SIN3A: variants seen among roughly 807,000 people sequenced by gnomAD.
SIN3A encodes the protein paired amphipathic helix protein Sin3a.
A neutral mutation model predicts 146.1 loss-of-function variants in SIN3A; 14 were observed. The ratio of observed to expected loss-of-function variants is 0.10; its 90% confidence interval spans 0.06 to 0.15. The LOEUF is 0.15. SIN3A is among the 10% of genes least tolerant of loss of function. SIN3A has a pLI of 1.00. For synonymous variants in SIN3A, 572 were observed against 572.0 expected (o/e 1.00, Z 0.00); for missense variants, 1,028 against 1,576.0 (o/e 0.65, Z 5.89).
In SIN3A at chr15:75,375,682, G is replaced by C; in HGVS notation, c.3574C>G (p.Leu1192Val). The stretch of plus-strand genomic sequence containing the variant: ...GTTCTCACCTGATGAGCCCGGAGCA[G>C]GGCGGTCCTCCGATACATATAGTCC... ...SEDYMYRRTA[L>V]LRAHQSHERV... Residue 1192 changes from leucine to valine, a missense_variant, in exon 20 of 21, where the codon CTG (leucine) becomes GTG (valine). By Grantham distance (32) the Leu-to-Val change is conservative. Coordinates refer to ENST00000394947, the MANE Select transcript of SIN3A (RefSeq NM_001145358.2). 1.2e-6 allele frequency: 2 copies of C among 1,613,998 alleles called. No homozygotes were observed. The highest frequency in any genetic ancestry group is 1.7e-6 in the Non-Finnish European group (2 of 1,179,858).
chr15:75,382,017 T>C (rs1319750348), intron 17 of SIN3A, among the ~76,000 whole-genome samples: 1 of 152,226 alleles, frequency 6.6e-6, no homozygotes, highest in African/African-American at 2.4e-5. Context: ...ATATGGCACA[T>C]GTAGCCAGAA....
chr15:75,444,756 G>A (rs2074275607), intron 1 of SIN3A, among the ~76,000 whole-genome samples: 1 of 152,138 alleles, frequency 6.6e-6, no homozygotes, highest in African/African-American at 2.4e-5. Context: ...CAGAAATTTA[G>A]TTAAATTCAA....
intron 1 of SIN3A, among the ~76,000 whole-genome samples, chr15:75,435,852 C>T (rs1034885606): frequency 1.3e-5 from 2 of 151,966 alleles, no homozygotes; most frequent in Non-Finnish European, 2.9e-5. Flanking sequence ...TGCCTGGGCA[C>T]AGTGATTCAT....
At chr15:75,394,506 G>C (rs1215946484) in intron 14 of SIN3A, among the ~76,000 whole-genome samples, 174 bp downstream of exon 14, 3 of 152,202 alleles carry the variant, frequency 2.0e-5, no homozygotes, top group Non-Finnish European at 4.4e-5. Flanking sequence ...TAAAGGTATA[G>C]TTTAGATTTA....
intron 9 of SIN3A, among the ~76,000 whole-genome samples, chr15:75,403,189 G>A (rs1198352874): frequency 2.0e-5 from 3 of 151,776 alleles, no homozygotes; most frequent in South Asian, 2.1e-4. Context: ...TTGGGAGGCC[G>A]AGGTGGGTGG....
At chr15:75,420,477 T>C (rs2073823298) in intron 3 of SIN3A, 1 of 152,176 alleles carries the variant, frequency 6.6e-6, no homozygotes, top group African/African-American at 2.4e-5. Context: ...CTCTGCCTCC[T>C]GGGTTCCAAC....
At chr15:75,455,180 G>C (rs1436856853), upstream of SIN3A, among the ~76,000 whole-genome samples, 1 of 151,836 alleles carries the variant, frequency 6.6e-6, no homozygotes, top group Non-Finnish European at 1.5e-5. Flanking sequence ...CAAAACCCTC[G>C]GGGCGGCTGC....
At chr15:75,450,400 G>T (rs1027059896) in intron 1 of SIN3A, among the ~76,000 whole-genome samples, 3 of 152,044 alleles carry the variant, frequency 2.0e-5, no homozygotes, top group Non-Finnish European at 2.9e-5. Flanking sequence ...TACAGCCACG[G>T]TAACTGAACA....
At chr15:75,414,438 T>C (rs1281403854) in intron 3 of SIN3A, 127 bp from the exon 4 acceptor site, 3 of 410,312 alleles carry the variant, frequency 7.3e-6, no homozygotes, top group African/African-American at 6.1e-5. Context: ...ATATATTAAA[T>C]ATATACTTAA....
At chr15:75,380,450 T>C (rs1395605658) in intron 19 of SIN3A, among the ~76,000 whole-genome samples, 179 bp downstream of exon 19, 3 of 152,222 alleles carry the variant, frequency 2.0e-5, no homozygotes, top group African/African-American at 2.4e-5. Flanking sequence ...CCAGATGCTT[T>C]GACACATGCT....
At chr15:75,440,758 G>A (rs969349269) in intron 1 of SIN3A, among the ~76,000 whole-genome samples, 2 of 151,902 alleles carry the variant, frequency 1.3e-5, no homozygotes, top group African/African-American at 2.4e-5. Flanking sequence ...CAAGGCAGGC[G>A]GATTACGAGG....
intron 20 of SIN3A, 72 bp downstream of exon 20, chr15:75,375,592 GA>G: frequency 1.7e-6 from 2 of 1,195,396 alleles, no homozygotes; most frequent in Non-Finnish European, 2.5e-6. Flanking sequence ...AAAACAATCA[GA>G]AGACTCTGGG....
intron 3 of SIN3A, among the ~76,000 whole-genome samples, chr15:75,419,003 C>T (rs1355671504): frequency 2.0e-5 from 3 of 152,012 alleles, no homozygotes; most frequent in East Asian, 1.9e-4. Flanking sequence ...GTGATCTGCC[C>T]GCCTCGGCCT....
At chr15:75,383,479 A>G (rs1439881919) in intron 17 of SIN3A, among the ~76,000 whole-genome samples, 2 of 151,422 alleles carry the variant, frequency 1.3e-5, no homozygotes, top group Non-Finnish European at 2.9e-5. Flanking sequence ...GCTGGGGTGC[A>G]GTGACGCGAT....
At chr15:75,453,482 C>T (rs1322971543), upstream of SIN3A, 1 of 152,326 alleles carries the variant, frequency 6.6e-6, no homozygotes, top group African/African-American at 2.4e-5. Context: ...TACCACAGGG[C>T]ATTCCCACCA....
chr15:75,439,277 C>T (rs2074158603), intron 1 of SIN3A, among the ~76,000 whole-genome samples: 1 of 152,086 alleles, frequency 6.6e-6, no homozygotes, highest in African/African-American at 2.4e-5. Flanking sequence ...ATTATTTGGC[C>T]CAAAATGTCA....
In SIN3A at chr15:75,383,059, GCCTGGACAA is replaced by G. The variant is rs367800955; in HGVS notation, c.3195+1196_3195+1204del. On this transcript the variant is annotated intron_variant, in intron 17 of 20. Coordinates refer to ENST00000394947, the MANE Select transcript of SIN3A (RefSeq NM_001145358.2). Reference sequence around the variant, plus strand: ...CTGAAATAGCACCACTGCACTCCAAGCCTGGACAACCTGGACAACCTGGACAACAAGAGT... The same window carrying G: ...CTGAAATAGCACCACTGCACTCCAAGCCTGGACAACCTGGACAACAAGAGT... Among the ~76,000 whole-genome samples the G allele has an allele frequency of 1.9e-3, 291 of 151,588 alleles. 1 individual carries two copies. The highest frequency in any genetic ancestry group is 5.3e-3 in the African/African-American group (217 of 41,292).
intron 3 of SIN3A, among the ~76,000 whole-genome samples, chr15:75,417,688 T>A (rs536672820): frequency 1.3e-5 from 2 of 152,128 alleles, no homozygotes; most frequent in African/African-American, 4.8e-5. Flanking sequence ...CAGGCATAGA[T>A]AGTCTTTTGA....
chr15:75,381,679 C>T lies in SIN3A; in HGVS notation c.3222G>A (p.Gln1074=), dbSNP rs752672267. ...FKLMFIQSQG[Q]VQLTIELLDT... Reference sequence around the variant, plus strand: ...CCAGAAGCTCAATAGTCAGCTGGACCTGGCCTTGGCTCTGAATAAACATAA... The same window carrying T: ...CCAGAAGCTCAATAGTCAGCTGGACTTGGCCTTGGCTCTGAATAAACATAA... Residue 1074 remains glutamine (Q), a synonymous_variant, in exon 18 of 21, where the codon CAG becomes CAA. Coordinates refer to ENST00000394947, the MANE Select transcript of SIN3A (RefSeq NM_001145358.2). 1 of 1,613,902 alleles carries T rather than the reference C, an allele frequency of 6.2e-7. No individual in the cohort carries two copies. Among genetic ancestry groups the T allele is most frequent in the Admixed American group, 1.7e-5 (1 of 59,974 alleles).
Sources: gnomAD v4.1 joint callset for allele counts (sites outside exome capture counted in the v4.1 genomes callset) on GRCh38, gnomAD v4.1.1 for gene constraint, MANE v1.5 for transcripts, NCBI Gene and HGNC (gene_info 2026-07-23, HGNC 2026-07-21) for gene names.